STIM2: variants seen among roughly 807,000 people sequenced by gnomAD.
STIM2 encodes the protein stromal interaction molecule 2.
A neutral mutation model predicts 85.8 loss-of-function variants in STIM2; 31 were observed. That is an observed-to-expected ratio of 0.36 (90% CI 0.27 to 0.49). The LOEUF is 0.49. Ranked by LOEUF, STIM2 falls within the 20% of genes least tolerant of loss-of-function variation. The pLI is 0.98. For synonymous variants in STIM2, 356 were observed against 331.1 expected (o/e 1.08, Z -0.82); for missense variants, 841 against 927.6 (o/e 0.91, Z 1.21).
intron 10 of STIM2, among the ~76,000 whole-genome samples, chr4:27,013,094 A>G (rs1485510879): frequency 2.6e-5 from 4 of 151,898 alleles, no homozygotes; most frequent in African/African-American, 7.2e-5. Context: ...TCCTGACACT[A>G]TCTTAGATTT....
chr4:26,969,276 T>C (rs1380464709), intron 3 of STIM2, among the ~76,000 whole-genome samples: 4 of 152,088 alleles, frequency 2.6e-5, no homozygotes, highest in African/African-American at 7.2e-5. Context: ...TGGAGGCGGG[T>C]TGGGGAAAGT....
At chr4:26,964,161 CTG>C (rs1199140390) in intron 3 of STIM2, among the ~76,000 whole-genome samples, 14 of 152,106 alleles carry the variant, frequency 9.2e-5, no homozygotes, top group African/African-American at 4.8e-5. Flanking sequence ...TAGTGAGTCT[CTG>C]TGTAAATCTG....
intron 3 of STIM2, among the ~76,000 whole-genome samples, chr4:26,990,218 A>C: frequency 6.6e-6 from 1 of 152,186 alleles, no homozygotes; most frequent in East Asian, 1.9e-4. Context: ...TTACAAAGCT[A>C]TAATAACCAA....
intron 3 of STIM2, among the ~76,000 whole-genome samples, chr4:26,982,316 A>T (rs1037011287): frequency 2.6e-5 from 4 of 152,148 alleles, no homozygotes; most frequent in African/African-American, 9.6e-5. Flanking sequence ...ATCCTATTTT[A>T]TTCAGTCAGT....
At chr4:26,934,452 A>G (rs990255798) in intron 2 of STIM2, among the ~76,000 whole-genome samples, 5 of 152,202 alleles carry the variant, frequency 3.3e-5, no homozygotes, top group African/African-American at 1.2e-4. Flanking sequence ...AGTTCTAGAG[A>G]CACTTGCTAA....
At chr4:27,007,297 C>T (rs890194605) in intron 7 of STIM2, among the ~76,000 whole-genome samples, 2 of 151,280 alleles carry the variant, frequency 1.3e-5, no homozygotes, top group African/African-American at 4.8e-5. Flanking sequence ...ATTTAAGATG[C>T]ACTTGAAGCT....
chr4:26,957,749 G>GC, intron 3 of STIM2, 23 bp downstream of exon 3: 1 of 1,465,300 alleles, frequency 6.8e-7, no homozygotes, highest in African/African-American at 1.4e-5. Flanking sequence ...TTGTGATCTG[G>GC]CCCCCTCCCC....
intron 1 of STIM2, among the ~76,000 whole-genome samples, chr4:26,862,766 A>G (rs908351667): frequency 6.6e-6 from 1 of 152,216 alleles, no homozygotes; most frequent in African/African-American, 2.4e-5. Context: ...GTGAGAAGAT[A>G]GGTCAGACAG....
chr4:26,865,588 A>G (rs1366385248), intron 1 of STIM2, among the ~76,000 whole-genome samples: 1 of 152,184 alleles, frequency 6.6e-6, no homozygotes, highest in Non-Finnish European at 1.5e-5. Context: ...ACACTTTCAC[A>G]ATGATTGTTG....
chr4:26,873,906 A>T, intron 1 of STIM2: 1 of 1,379,040 alleles, frequency 7.3e-7, no homozygotes, highest in African/African-American at 1.4e-5. Flanking sequence ...TCTGCGGCTG[A>T]GTGGACAGGG....
intron 5 of STIM2, 50 bp from the exon 6 acceptor site, chr4:27,002,154 TTTTTGTATTGAGG>T: frequency 6.8e-7 from 1 of 1,462,922 alleles, no homozygotes; most frequent in Non-Finnish European, 9.1e-7. Flanking sequence ...AAAAAATGTC[TTTTTGTATTGAGG>T]TCCTGTCATA....
intron 3 of STIM2, among the ~76,000 whole-genome samples, chr4:26,971,611 T>C (rs1488428811): frequency 6.6e-6 from 1 of 152,238 alleles, no homozygotes; most frequent in Non-Finnish European, 1.5e-5. Context: ...ATATATCTGC[T>C]TTGGTACCAG....
intron 2 of STIM2, among the ~76,000 whole-genome samples, chr4:26,946,014 T>C (rs996232147): frequency 9.8e-5 from 15 of 152,324 alleles, no homozygotes; most frequent in Non-Finnish European, 2.1e-4. Context: ...TTAATGTTAG[T>C]TGGACATGCA....
chr4:26,927,544 G>T (rs1377573586), intron 2 of STIM2, among the ~76,000 whole-genome samples: 25 of 62,312 alleles, frequency 4.0e-4, no homozygotes, highest in Non-Finnish European at 6.2e-4. Flanking sequence ...GTCGGGGGAG[G>T]GGGGAGGGAT....
At chr4:26,895,906 G>C (rs1723681956) in intron 1 of STIM2, among the ~76,000 whole-genome samples, 1 of 152,142 alleles carries the variant, frequency 6.6e-6, no homozygotes, top group South Asian at 2.1e-4. Flanking sequence ...CATACACTCA[G>C]CACCTCAAAA....
At chr4:26,911,540 C>T (rs1224018224) in intron 1 of STIM2, among the ~76,000 whole-genome samples, 2 of 152,144 alleles carry the variant, frequency 1.3e-5, no homozygotes, top group East Asian at 3.9e-4. Context: ...GCAGTGGTTT[C>T]TCAGCCCTCT....
intron 3 of STIM2, among the ~76,000 whole-genome samples, chr4:26,993,340 C>T (rs780258108): frequency 3.9e-5 from 6 of 152,116 alleles, no homozygotes; most frequent in Admixed American, 6.6e-5. Flanking sequence ...ATGGTAGGAA[C>T]ACATGAAGGG....
At chr4:26,893,093 G>A (rs1416861612) in intron 1 of STIM2, among the ~76,000 whole-genome samples, 1 of 152,160 alleles carries the variant, frequency 6.6e-6, no homozygotes, top group African/African-American at 2.4e-5. Flanking sequence ...CTTGATAGTG[G>A]CACTAATGTA....
intron 2 of STIM2, among the ~76,000 whole-genome samples, chr4:26,923,433 G>A (rs140274580): frequency 0.014 from 1,965 of 145,242 alleles, 17 homozygotes; most frequent in Non-Finnish European, 0.021. Flanking sequence ...ACTAAGCTTC[G>A]TAAGTGAAGG....
Sources: gnomAD v4.1 joint callset for allele counts (sites outside exome capture counted in the v4.1 genomes callset) on GRCh38, gnomAD v4.1.1 for gene constraint, MANE v1.5 for transcripts, NCBI Gene and HGNC (gene_info 2026-07-23, HGNC 2026-07-21) for gene names.